ARMH3: variants seen among roughly 807,000 people sequenced by gnomAD.
The protein encoded by ARMH3 is armadillo like helical domain containing 3.
ARMH3 carries 60 observed loss-of-function variants against 99.1 expected under a neutral mutation model. The ratio of observed to expected loss-of-function variants is 0.61; its 90% confidence interval spans 0.49 to 0.75. The LOEUF (loss-of-function observed/expected upper bound fraction) is 0.75. Ranked by LOEUF, ARMH3 falls within the 30% of genes least tolerant of loss-of-function variation. ARMH3 has a pLI of 0.00. For missense variants in ARMH3, 679 were observed against 843.1 expected (o/e 0.81, Z 2.41); for synonymous variants, 285 against 292.8 (o/e 0.97, Z 0.27).
chr10:101,869,824 A>G (rs2067092463), intron 24 of ARMH3, among the ~76,000 whole-genome samples: 1 of 152,124 alleles, frequency 6.6e-6, no homozygotes, highest in Non-Finnish European at 1.5e-5. Context: ...CTTGAGCTCA[A>G]GAGTTTGAGA....
In ARMH3 at chr10:101,957,707, A is replaced by G. The variant is rs1254465657; in HGVS notation, c.1521T>C (p.Leu507=). ...CCAAAAGTACAGTCTCATTTGACAT[A>G]AGGAACTTCAGCAAATTTATCAAGG... The part of the protein sequence containing the change: ...WSALINLLKF[L]MSNETVLLAK... Residue 507 remains leucine (L), a synonymous_variant, in exon 21 of 26, where the codon CTT becomes CTC. Coordinates refer to ENST00000370033, the MANE Select transcript of ARMH3 (RefSeq NM_024541.3). The G allele has an allele frequency of 1.2e-6, 2 of 1,601,864 alleles. No homozygotes were observed. The highest frequency in any genetic ancestry group is 1.1e-5 in the South Asian group (1 of 88,246).
chr10:101,850,986 C>G (rs1181590337), intron 24 of ARMH3, among the ~76,000 whole-genome samples: 9 of 152,224 alleles, frequency 5.9e-5, no homozygotes, highest in Non-Finnish European at 1.3e-4. Flanking sequence ...TTTCTTCAGT[C>G]TTGGGATGTT....
At chr10:102,017,531 G>A (rs1329487032) in intron 8 of ARMH3, among the ~76,000 whole-genome samples, 1 of 152,184 alleles carries the variant, frequency 6.6e-6, no homozygotes. Flanking sequence ...CCAGTAGAAT[G>A]CTCCAAAAAT....
chr10:102,004,614 A>G (rs2066440765), intron 14 of ARMH3, among the ~76,000 whole-genome samples: 1 of 152,322 alleles, frequency 6.6e-6, no homozygotes, highest in Non-Finnish European at 1.5e-5. Flanking sequence ...TCCAAACCCC[A>G]ACATCACATG....
intron 1 of ARMH3, among the ~76,000 whole-genome samples, chr10:102,055,024 C>CA (rs1471250978): frequency 2.7e-4 from 35 of 132,068 alleles, no homozygotes; most frequent in Middle Eastern, 0.01. Flanking sequence ...AACAAACAAA[C>CA]AAACAAAAAA....
At chr10:101,985,076 TATACACACAC>T (rs1344965338) in intron 19 of ARMH3, among the ~76,000 whole-genome samples, 7 of 129,124 alleles carry the variant, frequency 5.4e-5, no homozygotes, top group South Asian at 4.9e-4. Flanking sequence ...TAAAAATATA[TATACACACAC>T]ACACACACAC....
intron 8 of ARMH3, among the ~76,000 whole-genome samples, chr10:102,016,652 T>C (rs1159412298): frequency 6.6e-6 from 1 of 152,180 alleles, no homozygotes; most frequent in African/African-American, 2.4e-5. Context: ...TTGGCCAGCC[T>C]AGAAAGCCAG....
At chr10:101,938,311 G>A (rs998023305) in intron 23 of ARMH3, among the ~76,000 whole-genome samples, 7 of 152,212 alleles carry the variant, frequency 4.6e-5, no homozygotes, top group Admixed American at 1.3e-4. Flanking sequence ...CATGCAAAGA[G>A]AAGAAAGAAG....
At chr10:101,909,345 T>C (rs781105707) in intron 23 of ARMH3, among the ~76,000 whole-genome samples, 4 of 150,210 alleles carry the variant, frequency 2.7e-5, no homozygotes, top group Non-Finnish European at 5.9e-5. Context: ...AGGCAGAGGT[T>C]GTAGTAAGCC....
At chr10:101,863,108 CA>C (rs1453452304) in intron 24 of ARMH3, among the ~76,000 whole-genome samples, 3 of 152,302 alleles carry the variant, frequency 2.0e-5, no homozygotes, top group Non-Finnish European at 2.9e-5. Flanking sequence ...GAGGCTGAGG[CA>C]GGAGAATAGC....
intron 8 of ARMH3, among the ~76,000 whole-genome samples, chr10:102,020,710 G>A (rs976462264): frequency 1.8e-4 from 27 of 149,058 alleles, no homozygotes; most frequent in Admixed American, 1.3e-3. Flanking sequence ...AAAATTAGCC[G>A]AGTATTGTGG....
At chr10:101,960,022 C>CA (rs1470970877) in intron 20 of ARMH3, among the ~76,000 whole-genome samples, 1 of 152,086 alleles carries the variant, frequency 6.6e-6, no homozygotes, top group Non-Finnish European at 1.5e-5. Context: ...TACTAAAATA[C>CA]AAAAAATTAG....
In ARMH3 at chr10:101,995,339, G is replaced by C. The variant is rs774920372; in HGVS notation, c.1167C>G (p.His389Gln). 1 of 1,613,776 alleles carries C rather than the reference G, an allele frequency of 6.2e-7. No homozygotes were observed. Among genetic ancestry groups the C allele is most frequent in the Admixed American group, 1.7e-5 (1 of 59,976 alleles). Residue 389 changes from histidine (H) to glutamine (Q), a missense_variant, in exon 16 of 26, where the codon CAC becomes CAG. Around this residue, in one of 3 missense-constraint regions of ARMH3, gnomAD observed 389 missense variants for 456.5 expected, o/e 0.85. Transcript: ENST00000370033. Reference sequence around the variant, plus strand: ...GGATAATCAGACAGAGTTTGCCACTGTGAAGCCTGTGTTCATCTGTAAAGA... The same window carrying C: ...GGATAATCAGACAGAGTTTGCCACTCTGAAGCCTGTGTTCATCTGTAAAGA... ...MQDTKDEHRL[H>Q]SGKLCLIILT...
intron 1 of ARMH3, among the ~76,000 whole-genome samples, chr10:102,049,597 T>C (rs2136289206): frequency 6.6e-6 from 1 of 151,624 alleles, no homozygotes; most frequent in East Asian, 1.9e-4. Context: ...TTTTTTTTTT[T>C]TTGAGATAGG....
At chr10:101,990,864 T>G (rs1846758612) in intron 18 of ARMH3, among the ~76,000 whole-genome samples, 1 of 152,206 alleles carries the variant, frequency 6.6e-6, no homozygotes. Context: ...GCCAATAAAT[T>G]CAGATAAATG....
At chr10:101,883,995 C>G (rs2067480057) in intron 24 of ARMH3, among the ~76,000 whole-genome samples, 1 of 151,692 alleles carries the variant, frequency 6.6e-6, no homozygotes, top group Admixed American at 6.6e-5. Context: ...CTCACACACA[C>G]ACACACACAC....
chr10:101,884,994 G>A (rs1266874828), intron 24 of ARMH3, among the ~76,000 whole-genome samples: 1 of 152,166 alleles, frequency 6.6e-6, no homozygotes, highest in East Asian at 1.9e-4. Context: ...ATTAAGAAAT[G>A]TGCAAAGGAC....
chr10:101,894,310 G>C (rs1318870637), intron 23 of ARMH3, among the ~76,000 whole-genome samples: 1 of 152,204 alleles, frequency 6.6e-6, no homozygotes, highest in Non-Finnish European at 1.5e-5. Flanking sequence ...ATTCCAGACA[G>C]GGCTTGGAGG....
At chr10:101,847,836 C>A (rs2066498194) in intron 25 of ARMH3, among the ~76,000 whole-genome samples, 1 of 152,194 alleles carries the variant, frequency 6.6e-6, no homozygotes, top group South Asian at 2.1e-4. Context: ...CAGGAACAAA[C>A]TCTGGAGGAT....
Sources: gnomAD v4.1 joint callset for allele counts (sites outside exome capture counted in the v4.1 genomes callset) on GRCh38, gnomAD v4.1.1 for gene constraint, gnomAD v4.1.1 regional missense constraint, MANE v1.5 for transcripts, NCBI Gene and HGNC (gene_info 2026-07-23, HGNC 2026-07-21) for gene names.